The following HTR4 variants were observed in gnomAD, a reference collection of about 807,000 sequenced individuals.
HTR4 encodes the protein 5-hydroxytryptamine receptor 4.
Under a neutral mutation model 36.8 loss-of-function variants are expected in HTR4, and 16 were observed. The ratio of observed to expected loss-of-function variants is 0.43; its 90% CI spans 0.29 to 0.66. The LOEUF (loss-of-function observed/expected upper bound fraction) is 0.66, where lower values mean the gene tolerates loss of function less well. HTR4 is among the 30% of genes least tolerant of loss of function. HTR4 has a pLI of 0.13. For missense variants in HTR4, 438 were observed against 490.9 expected (o/e 0.89, Z 1.02); for synonymous variants, 189 against 185.1 (o/e 1.02, Z -0.17).
chr5:148,648,713 AGC>A lies in HTR4; in HGVS notation c.-48+5347_-48+5348del, dbSNP rs534204610. On this transcript the variant is annotated intron_variant, in intron 1 of 6. Coordinates refer to ENST00000377888, the MANE Select transcript of HTR4 (RefSeq NM_000870.7). ...AAAATTTACCGCAACCACAAGGATG[AGC>A]CCGTGGCAACTATGCTTCTGCTATG... Among the ~76,000 whole-genome samples, 393 of 152,328 alleles carry A rather than the reference AGC, an allele frequency of 2.6e-3. 4 individuals carry two copies. Among genetic ancestry groups the A allele is most frequent in the African/African-American group, 9.0e-3 (373 of 41,566 alleles).
intron 2 of HTR4, among the ~76,000 whole-genome samples, chr5:148,600,784 A>G (rs1012595935): frequency 3.3e-5 from 5 of 151,824 alleles, no homozygotes; most frequent in Non-Finnish European, 7.4e-5. Flanking sequence ...TAGGTATGAC[A>G]CCAAAAGCAG....
chr5:148,469,431 G>C (rs17720357), intron 5 of HTR4, among the ~76,000 whole-genome samples: 1 of 152,050 alleles, frequency 6.6e-6, no homozygotes, highest in Non-Finnish European at 1.5e-5. Context: ...ATAATAAAAC[G>C]GTTCTGATCT....
intron 4 of HTR4, among the ~76,000 whole-genome samples, chr5:148,529,864 G>A (rs774932809): frequency 6.6e-6 from 1 of 152,200 alleles, no homozygotes; most frequent in Non-Finnish European, 1.5e-5. Flanking sequence ...ATAGAGATGA[G>A]AAACTTGCTG....
chr5:148,604,773 A>G (rs1752076699), intron 2 of HTR4, among the ~76,000 whole-genome samples: 1 of 152,248 alleles, frequency 6.6e-6, no homozygotes, highest in East Asian at 1.9e-4. Context: ...GTATGATTCA[A>G]TGTATATGAA....
chr5:148,523,220 G>C lies in HTR4; in HGVS notation c.480C>G (p.Gly160=), dbSNP rs141026046. The C allele has an allele frequency of 1.1e-5, 18 of 1,613,494 alleles. No homozygotes were observed. In the African/African-American group the frequency reaches 2.0e-4, roughly 18 times the overall value. ...AATCAATTATGCCAATGTTATTCCA[G>C]CCTTGCATTATAGGGAGAAAAGAAA... ...TFISFLPIMQ[G]WNNIGIIDLI... Residue 160 remains glycine, a synonymous_variant, in exon 5 of 7, where the codon GGC becomes GGG. Coordinates refer to ENST00000377888, the MANE Select transcript of HTR4 (RefSeq NM_000870.7).
intron 5 of HTR4, among the ~76,000 whole-genome samples, chr5:148,512,602 G>T (rs567164877): frequency 1.3e-5 from 2 of 152,230 alleles, no homozygotes; most frequent in East Asian, 3.9e-4. Context: ...GTTAGTACTT[G>T]TATCTTGTTT....
chr5:148,453,160 C>T (rs1755014009), intron 5 of HTR4, among the ~76,000 whole-genome samples: 1 of 152,186 alleles, frequency 6.6e-6, no homozygotes, highest in Non-Finnish European at 1.5e-5. Context: ...TCCGGAGCAG[C>T]AGCTGAGTCC....
intron 2 of HTR4, among the ~76,000 whole-genome samples, chr5:148,634,741 AGATTCTCCTTCTC>A (rs1213639008): frequency 6.6e-6 from 1 of 152,186 alleles, no homozygotes; most frequent in Non-Finnish European, 1.5e-5. Context: ...AACAGAGCCC[AGATTCTCCTTCTC>A]TGAATCATGT....
intron 4 of HTR4, among the ~76,000 whole-genome samples, chr5:148,533,590 A>C (rs1758676912): frequency 2.0e-5 from 3 of 152,214 alleles, no homozygotes; most frequent in African/African-American, 4.8e-5. Flanking sequence ...AAAAGGCACA[A>C]GAAGCAATGA....
intron 2 of HTR4, among the ~76,000 whole-genome samples, chr5:148,581,233 T>A (rs942076743): frequency 2.0e-4 from 31 of 152,184 alleles, no homozygotes; most frequent in African/African-American, 6.0e-4. Flanking sequence ...GTTCTTTATA[T>A]GTTTTGGAAA....
chr5:148,523,383 C>A, intron 4 of HTR4, 37 bp from the exon 5 acceptor site: 2 of 1,536,334 alleles, frequency 1.3e-6, no homozygotes, highest in South Asian at 1.3e-5. Flanking sequence ...TAGGCATGGG[C>A]AAGGAGGAAT....
intron 4 of HTR4, among the ~76,000 whole-genome samples, chr5:148,541,583 C>G (rs1011334339): frequency 2.6e-5 from 4 of 152,078 alleles, no homozygotes; most frequent in African/African-American, 7.3e-5. Context: ...CACATGTTAT[C>G]TGAGTATTGA....
chr5:148,610,676 AG>A (rs1401145544), intron 2 of HTR4, among the ~76,000 whole-genome samples: 1 of 152,030 alleles, frequency 6.6e-6, no homozygotes, highest in African/African-American at 2.4e-5. Flanking sequence ...AGCTGGACGG[AG>A]AATGACTTTG....
chr5:148,490,699 T>G (rs1756376864), intron 6 of HTR4: 5 of 1,214,712 alleles, frequency 4.1e-6, no homozygotes, highest in Non-Finnish European at 5.2e-6. Context: ...TCCAATTGTC[T>G]CCTTCAACTT....
chr5:148,481,963 G>T lies in HTR4; in HGVS notation c.*1240C>A, dbSNP rs866233421. 34 of 1,054,908 alleles carry T rather than the reference G, an allele frequency of 3.2e-5. 1 individual carries two copies. In the African/African-American group the frequency reaches 4.7e-4, roughly 15 times the overall value. The allele number at this position is 1,054,908 out of a possible 1,614,324, so 65.3% of individuals were successfully genotyped here. A position where few individuals can be genotyped will look rare whatever the true frequency, so the allele number is the denominator to read the frequency against. ...CCATGGCTTCTCGAGGTAGCAGACG[G>T]CTATAGCAGCATACTGTTGTCTTAG... On this transcript the variant is annotated 3_prime_UTR_variant, in exon 7 of 7. Transcript: ENST00000377888.
At chr5:148,594,028 C>T (rs1761674368) in intron 2 of HTR4, among the ~76,000 whole-genome samples, 1 of 152,140 alleles carries the variant, frequency 6.6e-6, no homozygotes, top group Non-Finnish European at 1.5e-5. Context: ...CGTCATTATA[C>T]TAAGCATATT....
intron 5 of HTR4, 131 bp downstream of exon 5, chr5:148,523,062 T>TAA (rs551345699): frequency 3.9e-5 from 28 of 714,288 alleles, no homozygotes; most frequent in South Asian, 9.7e-5. Flanking sequence ...GTGTTAGCTT[T>TAA]AAAAAAAAAA....
intron 1 of HTR4, among the ~76,000 whole-genome samples, chr5:148,647,672 A>C (rs1753913165): frequency 6.6e-6 from 1 of 152,164 alleles, no homozygotes; most frequent in Non-Finnish European, 1.5e-5. Context: ...AACACGGTGA[A>C]ATCCTGTCTC....
At chr5:148,530,449 G>A (rs1465078441) in intron 4 of HTR4, among the ~76,000 whole-genome samples, 2 of 152,152 alleles carry the variant, frequency 1.3e-5, no homozygotes, top group African/African-American at 4.8e-5. Flanking sequence ...AGCTTCAGAG[G>A]GTGCTTCCAT....
Sources: gnomAD v4.1 joint callset for allele counts (sites outside exome capture counted in the v4.1 genomes callset) on GRCh38, gnomAD v4.1.1 for gene constraint, MANE v1.5 for transcripts, NCBI Gene and HGNC (gene_info 2026-07-23, HGNC 2026-07-21) for gene names.